Variants in ZCCHC14 observed in about 807,000 individuals in gnomAD.
The protein encoded by ZCCHC14 is zinc finger CCHC-type containing 14.
A neutral mutation model predicts 85.0 loss-of-function variants in ZCCHC14; 16 were observed. The ratio of observed to expected loss-of-function variants is 0.19; its 90% CI spans 0.13 to 0.29. The LOEUF (loss-of-function observed/expected upper bound fraction) is 0.29. Among genes scored for constraint, ZCCHC14 ranks in the 10% least tolerant of loss-of-function variants. The pLI is 1.00. For synonymous variants in ZCCHC14, 775 were observed against 630.7 expected (o/e 1.23, Z -3.43); for missense variants, 1,303 against 1,443.5 (o/e 0.90, Z 1.58).
Position 87,420,577 on chromosome 16 carries a change from G to C in ZCCHC14, c.950+30C>G. 6.3e-7 allele frequency: 1 copy of C among 1,575,148 alleles called. No individual in the cohort carries two copies. Among genetic ancestry groups the C allele is most frequent in the Non-Finnish European group, 8.7e-7 (1 of 1,154,202 alleles). On this transcript the variant is annotated intron_variant, in intron 5 of 12. Transcript: ENST00000671377. The surrounding 1 kb of genome is among the most constrained non-coding windows in gnomAD (Gnocchi z 5.0). ...GACCAGCCTGTCCTTGCCAGCTGTG[G>C]ACGCGCCGGGTGCCTGGTAAGGGCC...
At chr16:87,468,320 A>G (rs1008009114) in intron 1 of ZCCHC14, among the ~76,000 whole-genome samples, 5 of 152,238 alleles carry the variant, frequency 3.3e-5, no homozygotes, top group African/African-American at 4.8e-5. Flanking sequence ...TTTAAAAATA[A>G]TATTGCTCAT....
At chr16:87,433,232 A>T in intron 2 of ZCCHC14, 31 bp from the exon 3 acceptor site, 1 of 1,597,566 alleles carries the variant, frequency 6.3e-7, no homozygotes, top group Non-Finnish European at 8.6e-7. Context: ...ACAAAAATGA[A>T]ATAAGAGCTT....
intron 3 of ZCCHC14, among the ~76,000 whole-genome samples, chr16:87,429,520 G>A (rs1409804506): frequency 6.6e-6 from 1 of 152,108 alleles, no homozygotes; most frequent in African/African-American, 2.4e-5. Context: ...GTTGGGCATG[G>A]CGGCTCATGC....
chr16:87,486,208 C>A (rs192972115), intron 1 of ZCCHC14, among the ~76,000 whole-genome samples: 17 of 152,302 alleles, frequency 1.1e-4, no homozygotes, highest in African/African-American at 3.8e-4. Flanking sequence ...ATGGCATCAA[C>A]AGAAATACTA....
chr16:87,452,479 C>A (rs150288651), intron 2 of ZCCHC14, among the ~76,000 whole-genome samples: 2 of 151,972 alleles, frequency 1.3e-5, no homozygotes, highest in African/African-American at 4.8e-5. Flanking sequence ...TTGGGTAAGA[C>A]GGCTCAGGCA....
In ZCCHC14 at chr16:87,492,307, G is replaced by A. The variant is rs899606800; in HGVS notation, c.-69C>T. 4.7e-6 allele frequency: 4 copies of A among 859,664 alleles called. No homozygotes were observed. The highest frequency in any genetic ancestry group is 6.5e-5 in the Admixed American group (1 of 15,456). 53.3% of individuals were successfully genotyped at this position (859,664 alleles called of 1,614,324 possible). Reference sequence around the variant, plus strand: ...CGGGGGCGGCCGGGGGGCGCCGGGGGCCGCGGCCGGGGCGCGCCGGGACCG... The same window carrying A: ...CGGGGGCGGCCGGGGGGCGCCGGGGACCGCGGCCGGGGCGCGCCGGGACCG... On this transcript the variant is annotated 5_prime_UTR_variant, in exon 1 of 13. Coordinates refer to ENST00000671377, the MANE Select transcript of ZCCHC14 (RefSeq NM_015144.3). This position sits in a 1 kb window ranked among gnomAD's most constrained non-coding sequence, Gnocchi z 6.7.
At chr16:87,456,285 C>G (rs7194676) in intron 2 of ZCCHC14, among the ~76,000 whole-genome samples, 117 of 151,958 alleles carry the variant, frequency 7.7e-4, no homozygotes, top group Admixed American at 1.8e-3. Context: ...AATCCCAGCA[C>G]TTTGGGAAGC....
intron 2 of ZCCHC14, among the ~76,000 whole-genome samples, chr16:87,435,600 T>G (rs1229874992): frequency 1.3e-5 from 2 of 152,256 alleles, no homozygotes; most frequent in African/African-American, 4.8e-5. Flanking sequence ...CAGCGTGTGC[T>G]GCAAACACCC....
At chr16:87,431,421 C>T (rs963793097) in intron 3 of ZCCHC14, among the ~76,000 whole-genome samples, 20 of 145,694 alleles carry the variant, frequency 1.4e-4, no homozygotes, top group Non-Finnish European at 2.5e-4. Context: ...TACAGTGAGC[C>T]GAGATCGCGT....
intron 2 of ZCCHC14, among the ~76,000 whole-genome samples, chr16:87,454,712 A>C (rs1766516011): frequency 6.6e-6 from 1 of 152,254 alleles, no homozygotes; most frequent in East Asian, 1.9e-4. Flanking sequence ...TAGTATGGAT[A>C]ATATAAAAGA....
intron 3 of ZCCHC14, among the ~76,000 whole-genome samples, chr16:87,429,367 C>A (rs763482086): frequency 6.6e-6 from 1 of 152,094 alleles, no homozygotes; most frequent in African/African-American, 2.4e-5. Flanking sequence ...TTTGTGGAGA[C>A]AGGGTCTCAC....
intron 1 of ZCCHC14, among the ~76,000 whole-genome samples, chr16:87,483,878 G>C (rs917502328): frequency 5.3e-5 from 8 of 152,176 alleles, no homozygotes; most frequent in Non-Finnish European, 1.2e-4. Flanking sequence ...GTAACATGTA[G>C]GTGATATGTA....
At chr16:87,454,905 G>C (rs903293758) in intron 2 of ZCCHC14, among the ~76,000 whole-genome samples, 2 of 152,220 alleles carry the variant, frequency 1.3e-5, no homozygotes, top group African/African-American at 4.8e-5. Context: ...CCCCTGATCT[G>C]TGTCATCTGC....
Position 87,412,855 on chromosome 16 carries a change from G to C in ZCCHC14, c.1866C>G (p.Ser622=). 1 of 1,608,372 alleles carries C rather than the reference G, an allele frequency of 6.2e-7. No individual in the cohort carries two copies. Among genetic ancestry groups the C allele is most frequent in the Non-Finnish European group, 8.5e-7 (1 of 1,176,762 alleles). The change falls in exon 12 of 13, where the codon TCC becomes TCG. Residue 622 remains serine (S), a synonymous_variant. Coordinates refer to ENST00000671377, the MANE Select transcript of ZCCHC14 (RefSeq NM_015144.3). ...GCAGGGGGTGGTGGCCTGATGGATT[G>C]GAGCTGGCCTCATTCTGCACAGGGA... ...QVLPVQNEAS[S]NPSGHHPLPP...
intron 1 of ZCCHC14, among the ~76,000 whole-genome samples, chr16:87,475,379 C>T (rs549732392): frequency 4.6e-5 from 7 of 152,066 alleles, no homozygotes; most frequent in Admixed American, 2.0e-4. Context: ...TGGCAAAACC[C>T]TGTCTCTACA....
rs554431102 is a variant in ZCCHC14 at position 87,420,479 on chromosome 16, C to A, written c.950+128G>T. On this transcript the variant is annotated intron_variant, in intron 5 of 12. Transcript: ENST00000671377. This position sits in a 1 kb window ranked among gnomAD's most constrained non-coding sequence, Gnocchi z 5.0. ...AGAACTAATGGAAATCCCTAGAGGCCAAGTAGAGACCCAGGTCCAGGTGAC... is the reference window on the plus strand; with the variant it reads ...AGAACTAATGGAAATCCCTAGAGGCAAAGTAGAGACCCAGGTCCAGGTGAC... The A allele has an allele frequency of 3.0e-6, 2 of 668,326 alleles. No individual in the cohort carries two copies. The highest frequency in any genetic ancestry group is 2.9e-5 in the East Asian group (1 of 34,034). 41.4% of individuals were successfully genotyped at this position (668,326 alleles called of 1,614,324 possible).
At position 87,461,468 on chromosome 16, in the gene ZCCHC14, G is replaced by C. The variant is rs1037614794; in HGVS notation, c.571-1337C>G. Among the ~76,000 whole-genome samples, 21 of 152,218 alleles carry C rather than the reference G, an allele frequency of 1.4e-4. 1 individual carries two copies. The highest frequency in any genetic ancestry group is 2.2e-4 in the Non-Finnish European group (15 of 68,042). On this transcript the variant is annotated intron_variant, in intron 1 of 12. Transcript: ENST00000671377. ...GATTTTAAAGTTCATCAAAAGAGCT[G>C]ATAAGCAATGCTGCATTCACAGTAT...
At chr16:87,467,075 G>A (rs1396195746) in intron 1 of ZCCHC14, 5 of 515,860 alleles carry the variant, frequency 9.7e-6, no homozygotes, top group Non-Finnish European at 1.4e-5. Context: ...TAAAGAGACA[G>A]GGTCCCGCTA....
At chr16:87,419,960 C>A in intron 5 of ZCCHC14, 83 bp from the exon 6 acceptor site, 1 of 1,207,952 alleles carries the variant, frequency 8.3e-7, no homozygotes, top group South Asian at 1.5e-5. Flanking sequence ...AACTTTTAAT[C>A]AAGAGAAATG....
Sources: gnomAD v4.1 joint callset for allele counts (sites outside exome capture counted in the v4.1 genomes callset) on GRCh38, gnomAD v4.1.1 for gene constraint, Gnocchi (gnomAD v3.1) non-coding constraint, MANE v1.5 for transcripts, NCBI Gene and HGNC (gene_info 2026-07-23, HGNC 2026-07-21) for gene names.